Variants in PTPRF observed in about 807,000 individuals in gnomAD.
PTPRF encodes the protein receptor-type tyrosine-protein phosphatase F.
In PTPRF, 59 loss-of-function variants were observed where a neutral mutation model predicts 201.8. The observed-to-expected ratio is 0.29, with a 90% confidence interval of 0.24 to 0.36. The LOEUF (loss-of-function observed/expected upper bound fraction) is 0.36. Ranked by LOEUF, PTPRF falls within the 10% of genes least tolerant of loss-of-function variation. PTPRF has a pLI of 1.00. For synonymous variants in PTPRF, 1,088 were observed against 1,089.7 expected (o/e 1.00, Z 0.03); for missense variants, 2,132 against 2,690.5 (o/e 0.79, Z 4.59).
Position 43,606,940 on chromosome 1 carries a change from A to G in PTPRF, c.3829A>G (p.Ile1277Val), listed in dbSNP as rs747931170. ...PVLAVILIILIVIAILLFKRK... is the reference protein window; with the variant it reads ...PVLAVILIILVVIAILLFKRK... Reference sequence around the variant, plus strand: ...GCTGGCAGTCATCCTCATCATCCTCATTGTCATCGCCATCCTCTTGTTCAA... The same window carrying G: ...GCTGGCAGTCATCCTCATCATCCTCGTTGTCATCGCCATCCTCTTGTTCAA... Residue 1277 changes from isoleucine to valine, a missense_variant, in exon 21 of 34, where the codon ATT becomes GTT. Ile to Val is a conservative substitution (Grantham distance 29). This residue lies in a region of PTPRF where 818 missense variants were observed against 915.3 expected (regional missense o/e 0.89). Coordinates refer to ENST00000359947, the MANE Select transcript of PTPRF (RefSeq NM_002840.5). The G allele has an allele frequency of 5.0e-6, 8 of 1,613,928 alleles. No individual in the cohort carries two copies. The highest frequency in any genetic ancestry group is 1.3e-5 in the African/African-American group (1 of 74,902).
intron 12 of PTPRF, chr1:43,598,378 A>G (rs1407363817): frequency 1.3e-5 from 6 of 454,024 alleles, no homozygotes; most frequent in African/African-American, 5.9e-5. Context: ...TTGGCTGGAC[A>G]TTGGCATGAT....
Position 43,619,098 on chromosome 1 carries a change from G to A in PTPRF, c.4542G>A (p.Trp1514Ter). 1 of 1,614,034 alleles carries A rather than the reference G, an allele frequency of 6.2e-7. No homozygotes were observed. Among genetic ancestry groups the A allele is most frequent in the Non-Finnish European group, 8.5e-7 (1 of 1,179,956 alleles). The change falls in exon 27 of 34, where the codon TGG becomes TGA. Residue 1514 changes from tryptophan to a stop codon, truncating the protein, a stop_gained. Transcript: ENST00000359947. LOFTEE classifies it high-confidence loss of function. ...RELRQFQFMA[W>*]PDHGVPEYPT... is the part of the protein sequence containing the mutation. ...TGCGTCAGTTTCAGTTCATGGCCTG[G>A]CCAGACCATGGAGTTCCTGAGTACC...
chr1:43,562,531 G>T (rs577507510), intron 5 of PTPRF, among the ~76,000 whole-genome samples: 179 of 151,780 alleles, frequency 1.2e-3, no homozygotes, highest in South Asian at 0.011. Context: ...TCAGCCTCCC[G>T]AATAGCTTGG....
At chr1:43,534,258 A>G (rs911739792) in intron 1 of PTPRF, among the ~76,000 whole-genome samples, 1 of 152,232 alleles carries the variant, frequency 6.6e-6, no homozygotes, top group African/African-American at 2.4e-5. Context: ...TTACTCTGAG[A>G]ACCCAGAGAG....
chr1:43,569,219 G>GCCCCCCCCCCCCCCC (rs11313129), intron 5 of PTPRF, among the ~76,000 whole-genome samples: 11 of 137,840 alleles, frequency 8.0e-5, no homozygotes, highest in Admixed American at 1.4e-4. Flanking sequence ...CTCCCTGCTA[G>GCCCCCCCCCCCCCCC]CCCCCCCCCC....
intron 6 of PTPRF, chr1:43,575,836 G>T: frequency 7.9e-7 from 1 of 1,271,438 alleles, no homozygotes; most frequent in Non-Finnish European, 1.0e-6. Flanking sequence ...ACCTGATTTG[G>T]CTTTGTGTGG....
intron 25 of PTPRF, among the ~76,000 whole-genome samples, chr1:43,618,221 G>A (rs1658345767): frequency 6.6e-6 from 1 of 152,116 alleles, no homozygotes; most frequent in South Asian, 2.1e-4. Flanking sequence ...CCCAGATGCT[G>A]GAGTGTTCCT....
chr1:43,573,272 G>T (rs1281611237), intron 6 of PTPRF, among the ~76,000 whole-genome samples: 1 of 152,146 alleles, frequency 6.6e-6, no homozygotes, highest in African/African-American at 2.4e-5. Flanking sequence ...AGGAGCTGTT[G>T]GCCTGCAGGC....
intron 3 of PTPRF, among the ~76,000 whole-genome samples, chr1:43,549,983 T>C (rs2153968901): frequency 6.6e-6 from 1 of 152,272 alleles, no homozygotes; most frequent in African/African-American, 2.4e-5. Flanking sequence ...GTTAGATCTG[T>C]GCTCCCCAAA....
intron 6 of PTPRF, among the ~76,000 whole-genome samples, 196 bp from the exon 7 acceptor site, chr1:43,578,614 A>T (rs1443124326): frequency 1.3e-5 from 2 of 152,128 alleles, no homozygotes; most frequent in South Asian, 4.1e-4. Flanking sequence ...CCAAAGCACA[A>T]CCGTTGGTTC....
rs941072975 is a variant in PTPRF at position 43,554,730 on chromosome 1, C to T, written c.379+789C>T. On this transcript the variant is annotated intron_variant, in intron 5 of 33. Transcript: ENST00000359947. This position sits in a 1 kb window ranked among gnomAD's most constrained non-coding sequence, Gnocchi z 4.1. The stretch of plus-strand genomic sequence containing the variant: ...AACACTCTCCTAGGGACATAGGAAG[C>T]CACAAACAAGGCGGGGGTGACATGA... Among the ~76,000 whole-genome samples the T allele has an allele frequency of 2.0e-5, 3 of 152,124 alleles. No individual in the cohort carries two copies. The highest frequency in any genetic ancestry group is 4.4e-5 in the Non-Finnish European group (3 of 68,018).
At chr1:43,616,582 T>TG (rs1194097204) in intron 23 of PTPRF, among the ~76,000 whole-genome samples, 4 of 151,838 alleles carry the variant, frequency 2.6e-5, no homozygotes, top group Non-Finnish European at 5.9e-5. Context: ...GCGGGGTTGG[T>TG]GGAGGCCGGA....
intron 6 of PTPRF, among the ~76,000 whole-genome samples, chr1:43,573,876 C>G (rs1248142875): frequency 1.3e-5 from 2 of 151,772 alleles, no homozygotes; most frequent in African/African-American, 4.8e-5. Context: ...CCACCAAGTC[C>G]TGGCGTGGAT....
At chr1:43,576,185 C>T (rs1030625400) in intron 6 of PTPRF, among the ~76,000 whole-genome samples, 1 of 152,250 alleles carries the variant, frequency 6.6e-6, no homozygotes, top group East Asian at 1.9e-4. Flanking sequence ...GCCCTGCTGC[C>T]CAGGCCTTCC....
chr1:43,552,195 T>C (rs1645079852), intron 3 of PTPRF, among the ~76,000 whole-genome samples: 1 of 152,156 alleles, frequency 6.6e-6, no homozygotes, highest in Non-Finnish European at 1.5e-5. Flanking sequence ...CTTCCCTCTC[T>C]CCCTCATCGC....
In PTPRF at chr1:43,554,064, G is replaced by T. The variant is rs558787838; in HGVS notation, c.379+123G>T. ...AGAAAGGAGGACTGGCCACCTCGGG[G>T]TCAGTGAAAGTCAGTGGTGGACAGG... On this transcript the variant is annotated intron_variant, in intron 5 of 33. Coordinates refer to ENST00000359947, the MANE Select transcript of PTPRF (RefSeq NM_002840.5). This position sits in a 1 kb window ranked among gnomAD's most constrained non-coding sequence, Gnocchi z 4.1. The T allele has an allele frequency of 2.4e-6, 3 of 1,266,364 alleles. No individual in the cohort carries two copies. In the Admixed American group the frequency reaches 6.8e-5, roughly 29 times the overall value. 78.4% of individuals were successfully genotyped at this position (1,266,364 alleles called of 1,614,324 possible).
intron 5 of PTPRF, among the ~76,000 whole-genome samples, chr1:43,561,957 C>T (rs142744547): frequency 3.3e-5 from 5 of 152,314 alleles, no homozygotes; most frequent in Non-Finnish European, 4.4e-5. Context: ...GCCCACTGTA[C>T]GTGTTCCCTA....
chr1:43,607,030 C>G, intron 21 of PTPRF, 62 bp downstream of exon 21: 2 of 1,585,168 alleles, frequency 1.3e-6, no homozygotes. Context: ...AGGCCCTCTC[C>G]GGGTGTGGTG....
chr1:43,588,994 G>A lies in PTPRF; in HGVS notation c.943G>A (p.Val315Met), dbSNP rs1256050298. The change falls in exon 8 of 34, where the codon GTG becomes ATG. Residue 315 changes from valine (V) to methionine (M), a missense_variant. This residue lies in a region of PTPRF where 297 missense variants were observed against 454.0 expected (regional missense o/e 0.65). Transcript: ENST00000359947. The surrounding 1 kb of genome is among the most constrained non-coding windows in gnomAD (Gnocchi z 5.3). Reference sequence around the variant, plus strand: ...GATCGAGGCCACAGCCCAGGTCACAGTGAAAGGTGAGTGTGGCAGGTGCTG... The same window carrying A: ...GATCGAGGCCACAGCCCAGGTCACAATGAAAGGTGAGTGTGGCAGGTGCTG... ...GMIEATAQVT[V>M]KALPKPPIDL... The A allele has an allele frequency of 6.5e-7, 1 of 1,548,638 alleles. No individual in the cohort carries two copies. The highest frequency in any genetic ancestry group is 1.8e-5 in the Admixed American group (1 of 55,528).
Sources: allele counts gnomAD v4.1 joint callset (sites outside exome capture counted in the v4.1 genomes callset), GRCh38; gene constraint gnomAD v4.1.1; regional missense constraint gnomAD v4.1.1; non-coding constraint Gnocchi (gnomAD v3.1); transcripts MANE v1.5; gene names NCBI Gene and HGNC (gene_info 2026-07-23, HGNC 2026-07-21).